ENPP5: variants seen among roughly 807,000 people sequenced by gnomAD.
The protein encoded by ENPP5 is E-NPP 5.
Under a neutral mutation model 33.7 loss-of-function variants are expected in ENPP5, and 27 were observed. That is an observed-to-expected ratio of 0.80 (90% CI 0.59 to 1.11). The LOEUF (loss-of-function observed/expected upper bound fraction) is 1.11. ENPP5 is among the 50% of genes least tolerant of loss of function. The pLI is 0.00. For synonymous variants in ENPP5, 199 were observed against 200.5 expected (o/e 0.99, Z 0.06); for missense variants, 552 against 579.2 (o/e 0.95, Z 0.48).
At position 46,161,424 on chromosome 6, in the gene ENPP5, C is replaced by T; in HGVS notation, c.1336G>A (p.Val446Ile). The T allele has an allele frequency of 6.2e-7, 1 of 1,613,686 alleles. No homozygotes were observed. Among genetic ancestry groups the T allele is most frequent in the Non-Finnish European group, 8.5e-7 (1 of 1,179,678 alleles). Reference protein sequence around the residue: ...GVSLGSIIVIVFFVIFIKHLI... With the variant: ...GVSLGSIIVIIFFVIFIKHLI... ...TGCTTAATGAAAATTACAAAAAATA[C>T]AATCACTATAATGCTGCCAAGAGAG... The change falls in exon 5 of 5, where the codon GTA becomes ATA. Residue 446 changes from valine (V) to isoleucine (I), a missense_variant. By Grantham distance (29) the Val-to-Ile change is conservative. Coordinates refer to ENST00000371383, the MANE Select transcript of ENPP5 (RefSeq NM_001290072.2).
Position 46,165,575 on chromosome 6 carries a change from G to A in ENPP5, c.830-12C>T, listed in dbSNP as rs1764521746. On this transcript the variant is annotated splice_polypyrimidine_tract_variant and intron_variant, in intron 3 of 4. Transcript: ENST00000371383. ...TTCATCAAATTTACCTAAAGAGAAG[G>A]GAGGAGAGGCACTCAGAACAAAATA... is the stretch of plus-strand genomic sequence containing the variant. 1.3e-6 allele frequency: 2 copies of A among 1,539,778 alleles called. No individual in the cohort carries two copies. Among genetic ancestry groups the A allele is most frequent in the Non-Finnish European group, 1.7e-6 (2 of 1,150,836 alleles).
intron 2 of ENPP5, 68 bp from the exon 3 acceptor site, chr6:46,168,365 G>GT (rs1200577762): frequency 6.1e-6 from 4 of 655,048 alleles, no homozygotes; most frequent in Non-Finnish European, 1.0e-5. Context: ...CAAACTCAGA[G>GT]TAACAGTGCT....
intron 1 of ENPP5, among the ~76,000 whole-genome samples, chr6:46,170,326 A>G (rs1764697100): frequency 6.6e-6 from 1 of 152,178 alleles, no homozygotes; most frequent in African/African-American, 2.4e-5. Context: ...AAGAAGACTC[A>G]ACATCACATC....
chr6:46,168,476 A>G (rs1056627917), intron 2 of ENPP5, among the ~76,000 whole-genome samples, 179 bp from the exon 3 acceptor site: 16 of 152,338 alleles, frequency 1.1e-4, no homozygotes, highest in African/African-American at 3.8e-4. Context: ...AATAAAGCTA[A>G]TAAGTTTAGC....
intron 2 of ENPP5, 115 bp downstream of exon 2, chr6:46,169,938 G>A (rs528345938): frequency 9.9e-5 from 15 of 152,250 alleles, no homozygotes; most frequent in Admixed American, 7.8e-4. Flanking sequence ...TAGCTCAAAT[G>A]TCATATTTAA....
At position 46,167,786 on chromosome 6, in the gene ENPP5, C is replaced by G; in HGVS notation, c.477G>C (p.Glu159Asp). ...CAACTCTATCTTCAAATGAAACTGA[C>G]TCATTGTAAGGCATGTAATGAGTAG... ...RFPTHYMPYN[E>D]SVSFEDRVAK... Residue 159 changes from glutamate to aspartate, a missense_variant, in exon 3 of 5, where the codon GAG becomes GAC. Glu to Asp is a conservative substitution (Grantham distance 45). Coordinates refer to ENST00000371383, the MANE Select transcript of ENPP5 (RefSeq NM_001290072.2). 6.2e-7 allele frequency: 1 copy of G among 1,614,104 alleles called. No individual in the cohort carries two copies. The highest frequency in any genetic ancestry group is 2.2e-5 in the East Asian group (1 of 44,874).
chr6:46,169,961 GGATGGCAATACTCTCTCTGA>G (rs1193407000), intron 2 of ENPP5, 72 bp downstream of exon 2: 63 of 152,266 alleles, frequency 4.1e-4, no homozygotes, highest in Non-Finnish European at 7.2e-4. Context: ...ACGATTTCTT[GGATGGCAATACTCTCTCTGA>G]TTCTGGAAGG....
At position 46,160,450 on chromosome 6, in the gene ENPP5, G is replaced by T. The variant is rs1405837565; in HGVS notation, c.*876C>A. On this transcript the variant is annotated 3_prime_UTR_variant, in exon 5 of 5. Transcript: ENST00000371383. ...TAATAGTGATTTAATTTTCAAAGGA[G>T]CAAATAATTACAAACAAGAGAAAAC... 6.6e-6 allele frequency: 1 copy of T among 152,112 alleles called. No individual in the cohort carries two copies. The highest frequency in any genetic ancestry group is 2.4e-5 in the African/African-American group (1 of 41,422). 9.4% of individuals were successfully genotyped at this position (152,112 alleles called of 1,614,324 possible). A position where few individuals can be genotyped will look rare whatever the true frequency, so the allele number is the denominator to read the frequency against.
In ENPP5 at chr6:46,170,878, G is replaced by C. The variant is rs3822892; in HGVS notation, c.-168C>G. 6.6e-6 allele frequency: 1 copy of C among 152,304 alleles called. No individual in the cohort carries two copies. Among genetic ancestry groups the C allele is most frequent in the African/African-American group, 2.4e-5 (1 of 41,444 alleles). The allele number at this position is 152,304 out of a possible 1,614,324, so 9.4% of individuals were successfully genotyped here. On this transcript the variant is annotated 5_prime_UTR_variant, in exon 1 of 5. Transcript: ENST00000371383. ...GGGAGGGTCTGGAGGAGACTCCCTCGGGCGCGCCGCGGGTAACGGCGGGAG... is the reference window on the plus strand; with the variant it reads ...GGGAGGGTCTGGAGGAGACTCCCTCCGGCGCGCCGCGGGTAACGGCGGGAG...
rs1044083346 is a variant in ENPP5 at position 46,159,228 on chromosome 6, T to G, written c.*2098A>C. On this transcript the variant is annotated 3_prime_UTR_variant, in exon 5 of 5. Coordinates refer to ENST00000371383, the MANE Select transcript of ENPP5 (RefSeq NM_001290072.2). ...AAGTTTTATTTTTCTTCAGGTAAAC[T>G]CTCCTATTTTACAGGAAAATAAGTA... 1 of 152,200 alleles carries G rather than the reference T, an allele frequency of 6.6e-6. No individual in the cohort carries two copies. The highest frequency in any genetic ancestry group is 2.4e-5 in the African/African-American group (1 of 41,462). The allele number at this position is 152,200 out of a possible 1,614,324, so 9.4% of individuals were successfully genotyped here. A position where few individuals can be genotyped will look rare whatever the true frequency, so the allele number is the denominator to read the frequency against.
In ENPP5 at chr6:46,165,383, TC is replaced by T. The variant is rs1562069716; in HGVS notation, c.1006+3del. The T allele has an allele frequency of 3.9e-6, 6 of 1,557,900 alleles. No individual in the cohort carries two copies. The highest frequency in any genetic ancestry group is 5.2e-6 in the Non-Finnish European group (6 of 1,159,360). ...AATGGAAAGAAATACTGTAACATAC[TC>T]ACACAGAAAGTCATCTGACTTATTC... On this transcript the variant is annotated splice_donor_region_variant and intron_variant, in intron 4 of 4. Transcript: ENST00000371383.
intron 4 of ENPP5, among the ~76,000 whole-genome samples, chr6:46,162,189 T>C (rs933442420): frequency 6.6e-6 from 1 of 152,116 alleles, no homozygotes; most frequent in Admixed American, 6.6e-5. Context: ...AATAAACTCA[T>C]AGTTACCAAT....
chr6:46,169,764 A>C (rs1168298215), intron 2 of ENPP5, among the ~76,000 whole-genome samples: 2 of 152,208 alleles, frequency 1.3e-5, no homozygotes, highest in Non-Finnish European at 2.9e-5. Context: ...GGTAAATAAA[A>C]ACTACTTGGC....
chr6:46,165,733 T>G (rs1206015031), intron 3 of ENPP5, among the ~76,000 whole-genome samples, 170 bp from the exon 4 acceptor site: 1 of 152,224 alleles, frequency 6.6e-6, no homozygotes, highest in Non-Finnish European at 1.5e-5. Context: ...AATAATCTTC[T>G]GTTGTAAGTT....
In ENPP5 at chr6:46,170,100, A is replaced by G. The variant is rs1016739166; in HGVS notation, c.-83T>C. The G allele has an allele frequency of 6.6e-6, 1 of 152,142 alleles. No homozygotes were observed. The highest frequency in any genetic ancestry group is 1.9e-4 in the East Asian group (1 of 5,192). The allele number at this position is 152,142 out of a possible 1,614,324, so 9.4% of individuals were successfully genotyped here. A position where few individuals can be genotyped will look rare whatever the true frequency, so the allele number is the denominator to read the frequency against. On this transcript the variant is annotated 5_prime_UTR_variant, in exon 2 of 5. Transcript: ENST00000371383. Reference sequence around the variant, plus strand: ...TGCTCTCTCTGTCCTTTCTCCCCCTAATTTTCTCTCCCACCTTTTTAAAAC... The same window carrying G: ...TGCTCTCTCTGTCCTTTCTCCCCCTGATTTTCTCTCCCACCTTTTTAAAAC...
At chr6:46,170,325 C>T (rs1018822223) in intron 1 of ENPP5, among the ~76,000 whole-genome samples, 25 of 151,404 alleles carry the variant, frequency 1.7e-4, no homozygotes, top group Non-Finnish European at 1.5e-5. Flanking sequence ...CAAGAAGACT[C>T]AACATCACAT....
chr6:46,166,889 A>G (rs936921465), intron 3 of ENPP5, among the ~76,000 whole-genome samples: 70 of 152,172 alleles, frequency 4.6e-4, no homozygotes, highest in Non-Finnish European at 7.5e-4. Context: ...AAATGGAGAC[A>G]ATACTGAGGT....
At position 46,160,741 on chromosome 6, in the gene ENPP5, T is replaced by C. The variant is rs1764363126; in HGVS notation, c.*585A>G. On this transcript the variant is annotated 3_prime_UTR_variant, in exon 5 of 5. Transcript: ENST00000371383. ...CACAGTTGCATTCTGCTGTTGGGAA[T>C]ACATCTCCAAAATTCAAGGTTCAAA... is the stretch of plus-strand genomic sequence containing the variant. The C allele has an allele frequency of 6.6e-6, 1 of 152,622 alleles. No individual in the cohort carries two copies. The highest frequency in any genetic ancestry group is 2.4e-5 in the African/African-American group (1 of 41,454). 9.5% of individuals were successfully genotyped at this position (152,622 alleles called of 1,614,324 possible).
rs759232850 is a variant in ENPP5, at chr6:46,167,791, T to C, written c.472A>G (p.Asn158Asp). 1 of 1,614,132 alleles carries C rather than the reference T, an allele frequency of 6.2e-7. No homozygotes were observed. The highest frequency in any genetic ancestry group is 8.5e-7 in the Non-Finnish European group (1 of 1,180,008). The change falls in exon 3 of 5, where the codon AAT becomes GAT. Residue 158 changes from asparagine to aspartate, a missense_variant. Coordinates refer to ENST00000371383, the MANE Select transcript of ENPP5 (RefSeq NM_001290072.2). The part of the protein sequence containing the change: ...KRFPTHYMPY[N>D]ESVSFEDRVA... ...CTATCTTCAAATGAAACTGACTCAT[T>C]GTAAGGCATGTAATGAGTAGGAAAG...
Sources: gnomAD v4.1 joint callset for allele counts (sites outside exome capture counted in the v4.1 genomes callset) on GRCh38, gnomAD v4.1.1 for gene constraint, MANE v1.5 for transcripts, NCBI Gene and HGNC (gene_info 2026-07-23, HGNC 2026-07-21) for gene names.